SPTBN1: variants seen among roughly 807,000 people sequenced by gnomAD.
SPTBN1 encodes spectrin beta, non-erythrocytic 1.
A neutral mutation model predicts 266.4 loss-of-function variants in SPTBN1; 32 were observed. The ratio of observed to expected loss-of-function variants is 0.12; its 90% CI spans 0.09 to 0.16. The LOEUF is 0.16. SPTBN1 is among the 10% of genes least tolerant of loss of function. The pLI, the probability that SPTBN1 is intolerant of heterozygous loss-of-function variation, is 1.00. For synonymous variants in SPTBN1, 1,336 were observed against 1,162.2 expected (o/e 1.15, Z -3.04); for missense variants, 2,296 against 3,067.1 (o/e 0.75, Z 5.94).
At chr2:54,497,438 C>A (rs1253670186) in intron 1 of SPTBN1, among the ~76,000 whole-genome samples, 4 of 152,050 alleles carry the variant, frequency 2.6e-5, no homozygotes, top group Admixed American at 6.6e-5. Flanking sequence ...ACTCTAACCA[C>A]CAGGGAGTCA....
rs147040152 is a variant in SPTBN1 at position 54,516,892 on chromosome 2, C to G, written c.-47-9480C>G. On this transcript the variant is annotated intron_variant, in intron 1 of 35. Transcript: ENST00000356805. ...CATGTAAGATTTACATTGGTTTGACCTGGAAGGGCAGGATAGGGGCAGCCT... is the reference window on the plus strand; with the variant it reads ...CATGTAAGATTTACATTGGTTTGACGTGGAAGGGCAGGATAGGGGCAGCCT... 7.4e-4 allele frequency among the ~76,000 whole-genome samples: 112 copies of G among 152,264 alleles called. 1 individual carries two copies. The highest frequency in any genetic ancestry group is 2.7e-3 in the African/African-American group (111 of 41,544).
chr2:54,541,146 G>T (rs1435438705), intron 2 of SPTBN1, among the ~76,000 whole-genome samples: 1 of 152,162 alleles, frequency 6.6e-6, no homozygotes, highest in East Asian at 1.9e-4. Flanking sequence ...TGGATTGCCA[G>T]TCCCAAAGCT....
intron 1 of SPTBN1, among the ~76,000 whole-genome samples, chr2:54,481,195 G>C (rs1020541216): frequency 2.1e-5 from 3 of 143,468 alleles, no homozygotes; most frequent in African/African-American, 7.7e-5. Context: ...AACAGGTTTG[G>C]AAAAAAAAAA....
intron 1 of SPTBN1, among the ~76,000 whole-genome samples, chr2:54,465,662 A>C (rs1340860292): frequency 7.7e-6 from 1 of 130,554 alleles, no homozygotes; most frequent in Non-Finnish European, 1.7e-5. Context: ...ATATATATAT[A>C]TATATATCTC....
Position 54,644,007 on chromosome 2 carries a change from AATAAT to A in SPTBN1, c.4006-315_4006-311del, listed in dbSNP as rs1358746861. Reference sequence around the variant, plus strand: ...CAATAATAATAATAATAATAATAATAATAATGTGTTGTATATCATCTTTGGTCATG... The same window carrying A: ...CAATAATAATAATAATAATAATAATAGTGTTGTATATCATCTTTGGTCATG... On this transcript the variant is annotated intron_variant, in intron 19 of 35. Coordinates refer to ENST00000356805, the MANE Select transcript of SPTBN1 (RefSeq NM_003128.3). 1.1e-4 allele frequency among the ~76,000 whole-genome samples: 14 copies of A among 130,964 alleles called. No individual in the cohort carries two copies. In the South Asian group the frequency reaches 1.8e-3, roughly 17 times the overall value. 85.9% of individuals were successfully genotyped at this position (130,964 alleles called of 152,430 possible). A position where few individuals can be genotyped will look rare whatever the true frequency, so the allele number is the denominator to read the frequency against.
chr2:54,569,558 T>C (rs1199926765), intron 2 of SPTBN1, among the ~76,000 whole-genome samples: 2 of 152,320 alleles, frequency 1.3e-5, no homozygotes, highest in East Asian at 3.9e-4. Context: ...TTGTCTTGGC[T>C]TTTTATTTTT....
At chr2:54,569,051 A>G (rs1454640761) in intron 2 of SPTBN1, among the ~76,000 whole-genome samples, 1 of 152,236 alleles carries the variant, frequency 6.6e-6, no homozygotes, top group East Asian at 1.9e-4. Context: ...TTACATGGTA[A>G]GTGCTCATTT....
intron 2 of SPTBN1, among the ~76,000 whole-genome samples, chr2:54,557,393 A>G (rs1247937087): frequency 6.9e-6 from 1 of 145,290 alleles, no homozygotes; most frequent in Non-Finnish European, 1.5e-5. Context: ...GTGAGGAAAA[A>G]GGGGGGACAG....
chr2:54,633,059 C>G (rs1678863399), intron 17 of SPTBN1, among the ~76,000 whole-genome samples: 1 of 152,192 alleles, frequency 6.6e-6, no homozygotes, highest in Non-Finnish European at 1.5e-5. Flanking sequence ...GCATCGCGAT[C>G]AGGTGTAAGC....
At chr2:54,632,805 C>T (rs753315140) in intron 17 of SPTBN1, 37 bp downstream of exon 17, 2 of 1,602,398 alleles carry the variant, frequency 1.2e-6, no homozygotes, top group African/African-American at 2.7e-5. Context: ...AGCCTTGCAC[C>T]TTGGGGCTCT....
At position 54,645,969 on chromosome 2, in the gene SPTBN1, T is replaced by C; in HGVS notation, c.4536T>C (p.Asp1512=). 1 of 1,614,198 alleles carries C rather than the reference T, an allele frequency of 6.2e-7. No homozygotes were observed. Among genetic ancestry groups the C allele is most frequent in the African/African-American group, 1.3e-5 (1 of 75,056 alleles). The part of the protein sequence containing the change: ...GERMPLATST[D]HGHNLQTVQL... ...GGATGCCTTTGGCAACTTCCACGGA[T>C]CATGGCCACAACCTCCAGACTGTGC... is the stretch of plus-strand genomic sequence containing the variant. The change falls in exon 22 of 36, where the codon GAT becomes GAC. Residue 1512 remains aspartate, a synonymous_variant. Transcript: ENST00000356805. This position sits in a 1 kb window ranked among gnomAD's most constrained non-coding sequence, Gnocchi z 4.3.
At chr2:54,541,847 G>T (rs1411241195) in intron 2 of SPTBN1, among the ~76,000 whole-genome samples, 5 of 152,034 alleles carry the variant, frequency 3.3e-5, no homozygotes, top group Admixed American at 3.3e-4. Context: ...TATGTTTATG[G>T]GTGTATTTGT....
At chr2:54,642,749 T>G (rs1258697519) in intron 18 of SPTBN1, among the ~76,000 whole-genome samples, 2 of 152,268 alleles carry the variant, frequency 1.3e-5, no homozygotes, top group Non-Finnish European at 2.9e-5. Flanking sequence ...CTTATAGAGC[T>G]TTTGTACTTC....
intron 2 of SPTBN1, among the ~76,000 whole-genome samples, chr2:54,560,278 C>T (rs909789142): frequency 6.6e-6 from 1 of 152,028 alleles, no homozygotes; most frequent in African/African-American, 2.4e-5. Context: ...TCCCCTGGCC[C>T]GGACTCCCAG....
intron 1 of SPTBN1, among the ~76,000 whole-genome samples, chr2:54,494,801 G>C (rs1668876586): frequency 6.6e-6 from 1 of 152,058 alleles, no homozygotes; most frequent in African/African-American, 2.4e-5. Flanking sequence ...TGATGGGTAT[G>C]CTCATTTTGT....
At chr2:54,487,035 T>C in intron 1 of SPTBN1, among the ~76,000 whole-genome samples, 1 of 152,212 alleles carries the variant, frequency 6.6e-6, no homozygotes. Context: ...ATCTTATTTT[T>C]ATATGAGCTA....
At chr2:54,615,700 G>A (rs1418095085) in intron 4 of SPTBN1, among the ~76,000 whole-genome samples, 1 of 152,200 alleles carries the variant, frequency 6.6e-6, no homozygotes, top group Non-Finnish European at 1.5e-5. Flanking sequence ...TGTGTATAAT[G>A]TTGCAAATAT....
chr2:54,574,454 T>A (rs4455200), intron 2 of SPTBN1, among the ~76,000 whole-genome samples: 48,531 of 152,100 alleles, frequency 0.32, 9,544 homozygotes, highest in African/African-American at 0.56. Context: ...ACACGTTTCT[T>A]GAGTCTGTTT....
chr2:54,573,818 C>T (rs1261448710), intron 2 of SPTBN1, among the ~76,000 whole-genome samples: 1 of 152,078 alleles, frequency 6.6e-6, no homozygotes, highest in Non-Finnish European at 1.5e-5. Flanking sequence ...CTATCTCTGC[C>T]CTCAGGAAGC....
Sources: gnomAD v4.1 joint callset for allele counts (sites outside exome capture counted in the v4.1 genomes callset) on GRCh38, gnomAD v4.1.1 for gene constraint, Gnocchi (gnomAD v3.1) non-coding constraint, MANE v1.5 for transcripts, NCBI Gene and HGNC (gene_info 2026-07-23, HGNC 2026-07-21) for gene names.